The following TLN2 variants were observed in gnomAD, a reference collection of about 807,000 sequenced individuals.
TLN2 encodes the protein talin-2.
A neutral mutation model predicts 294.7 loss-of-function variants in TLN2; 118 were observed. That is an observed-to-expected ratio of 0.40 (90% CI 0.34 to 0.47). TLN2 has a LOEUF of 0.47. Among genes scored for constraint, TLN2 ranks in the 20% least tolerant of loss-of-function variants. TLN2 has a pLI of 0.84. For synonymous variants in TLN2, 1,431 were observed against 1,304.5 expected (o/e 1.10, Z -2.09); for missense variants, 3,083 against 3,282.2 (o/e 0.94, Z 1.48).
chr15:62,810,633 C>T (rs944647450), intron 52 of TLN2, among the ~76,000 whole-genome samples: 12 of 150,616 alleles, frequency 8.0e-5, no homozygotes, highest in East Asian at 2.0e-4. Flanking sequence ...GGGCTGCCCA[C>T]GTGGGAGCCT....
At chr15:62,550,409 T>G (rs1337487635) in intron 1 of TLN2, among the ~76,000 whole-genome samples, 1 of 152,126 alleles carries the variant, frequency 6.6e-6, no homozygotes. Flanking sequence ...GGCCTCCCAG[T>G]TGGAAATTAT....
rs146820607 is a variant in TLN2, at chr15:62,418,433, C to T, written c.-238+27748C>T. Reference sequence around the variant, plus strand: ...TAACTTGGAAAGAGAAATCCTTAGACCTCTGTTGTCACTGCCCAGAATGGT... The same window carrying T: ...TAACTTGGAAAGAGAAATCCTTAGATCTCTGTTGTCACTGCCCAGAATGGT... On this transcript the variant is annotated intron_variant, in intron 1 of 58. Transcript: ENST00000636159. Among the ~76,000 whole-genome samples the T allele has an allele frequency of 5.3e-3, 813 of 152,322 alleles. 2 individuals carry two copies. The highest frequency in any genetic ancestry group is 0.016 in the South Asian group (75 of 4,816).
At chr15:62,588,297 T>C (rs181391218) in intron 1 of TLN2, among the ~76,000 whole-genome samples, 4 of 152,304 alleles carry the variant, frequency 2.6e-5, no homozygotes, top group Admixed American at 2.0e-4. Flanking sequence ...GAAGGGAATA[T>C]TAATTTTCTT....
chr15:62,837,288 G>A (rs1015460550), intron 57 of TLN2, among the ~76,000 whole-genome samples: 1 of 152,190 alleles, frequency 6.6e-6, no homozygotes, highest in Admixed American at 6.5e-5. Context: ...ATGTTCGTTT[G>A]TGAATATGTG....
chr15:62,657,669 C>T, intron 8 of TLN2, 102 bp from the exon 9 acceptor site: 4 of 1,493,546 alleles, frequency 2.7e-6, no homozygotes, highest in South Asian at 2.9e-5. Context: ...TGGCACTGTC[C>T]CCTGCTCCAC....
intron 1 of TLN2, among the ~76,000 whole-genome samples, chr15:62,542,880 T>G (rs2041777959): frequency 6.6e-6 from 1 of 152,016 alleles, no homozygotes; most frequent in African/African-American, 2.4e-5. Context: ...GACCCAGGAT[T>G]ACAAGCAGAA....
chr15:62,825,320 T>C (rs1017122812), intron 54 of TLN2, among the ~76,000 whole-genome samples: 81 of 152,246 alleles, frequency 5.3e-4, no homozygotes, highest in African/African-American at 1.1e-3. Context: ...AAGAAAAACA[T>C]GGTTTCAAAA....
At chr15:62,675,764 G>T (rs1193186499) in intron 11 of TLN2, among the ~76,000 whole-genome samples, 1 of 152,160 alleles carries the variant, frequency 6.6e-6, no homozygotes, top group African/African-American at 2.4e-5. Flanking sequence ...ACGGCCTTCA[G>T]ATCTGTTTTC....
intron 4 of TLN2, 108 bp downstream of exon 4, chr15:62,647,554 T>C (rs1567256008): frequency 1.4e-6 from 2 of 1,450,798 alleles, no homozygotes; most frequent in Non-Finnish European, 1.9e-6. Context: ...TTAGTGCATA[T>C]GTTTCAAATG....
At chr15:62,437,516 G>A (rs118090595) in intron 1 of TLN2, among the ~76,000 whole-genome samples, 2,017 of 152,076 alleles carry the variant, frequency 0.013, 18 homozygotes, top group Non-Finnish European at 0.021. Flanking sequence ...AAGATTATAG[G>A]TGTGAGACAT....
In TLN2 at chr15:62,577,977, A is replaced by G. The variant is rs2044577380; in HGVS notation, c.-237-11710A>G. On this transcript the variant is annotated intron_variant, in intron 1 of 58. Transcript: ENST00000636159. ...TCTGTCCTTGTGATAGTTTGCTGAG[A>G]ATGATGGTTTCCAGCTTCATCCATG... Among the ~76,000 whole-genome samples, 6 of 152,226 alleles carry G rather than the reference A, an allele frequency of 3.9e-5. No individual in the cohort carries two copies. The South Asian group carries it at 1.0e-3, about 26-fold the overall frequency.
chr15:62,693,079 C>A, intron 13 of TLN2, 138 bp downstream of exon 13: 1 of 645,074 alleles, frequency 1.6e-6, no homozygotes, highest in Non-Finnish European at 2.6e-6. Context: ...CCTGTAATCC[C>A]AACACTTCGG....
chr15:62,590,334 A>G (rs959302238), intron 2 of TLN2, among the ~76,000 whole-genome samples: 7 of 151,984 alleles, frequency 4.6e-5, no homozygotes, highest in African/African-American at 1.7e-4. Context: ...AGTAGGCCCC[A>G]GTGTGTGTTG....
At chr15:62,534,016 T>C (rs1463718819) in intron 1 of TLN2, among the ~76,000 whole-genome samples, 1 of 152,170 alleles carries the variant, frequency 6.6e-6, no homozygotes, top group Non-Finnish European at 1.5e-5. Context: ...CAAATGTTAG[T>C]GTGAATATCA....
chr15:62,557,879 G>T (rs1479382722), intron 1 of TLN2, among the ~76,000 whole-genome samples: 3 of 152,202 alleles, frequency 2.0e-5, no homozygotes, highest in African/African-American at 7.2e-5. Flanking sequence ...ATTACTGTGT[G>T]TGCCTAAAAG....
intron 39 of TLN2, 68 bp from the exon 40 acceptor site, chr15:62,763,495 A>G (rs1409170791): frequency 6.6e-7 from 1 of 1,521,752 alleles, no homozygotes; most frequent in Non-Finnish European, 8.8e-7. Context: ...CTGGCCCACC[A>G]GTGCTGGAGC....
intron 2 of TLN2, among the ~76,000 whole-genome samples, chr15:62,614,339 C>A (rs1413120545): frequency 1.3e-5 from 2 of 152,176 alleles, no homozygotes; most frequent in Non-Finnish European, 2.9e-5. Context: ...TAAAAACTTT[C>A]TGTCTTCTGA....
At chr15:62,578,352 A>G (rs1464742557) in intron 1 of TLN2, among the ~76,000 whole-genome samples, 1 of 152,130 alleles carries the variant, frequency 6.6e-6, no homozygotes, top group East Asian at 1.9e-4. Context: ...ACATCACCTG[A>G]GGTCAGGAGT....
At chr15:62,611,760 T>A (rs545941500) in intron 2 of TLN2, among the ~76,000 whole-genome samples, 1 of 152,202 alleles carries the variant, frequency 6.6e-6, no homozygotes, top group Non-Finnish European at 1.5e-5. Context: ...CAGAGCCACA[T>A]TGGGTTCCCA....
Sources: gnomAD v4.1 joint callset for allele counts (sites outside exome capture counted in the v4.1 genomes callset) on GRCh38, gnomAD v4.1.1 for gene constraint, MANE v1.5 for transcripts, NCBI Gene and HGNC (gene_info 2026-07-23, HGNC 2026-07-21) for gene names.